UGT1A7: variants seen among roughly 807,000 people sequenced by gnomAD.
UGT1A7 encodes the protein UDP-glucuronosyltransferase 1A7.
A neutral mutation model predicts 45.6 loss-of-function variants in UGT1A7; 33 were observed. The observed-to-expected ratio is 0.72, with a 90% CI of 0.55 to 0.97. UGT1A7 has a LOEUF of 0.97. Ranked by LOEUF, UGT1A7 falls within the 50% of genes least tolerant of loss-of-function variation. The pLI, the probability that UGT1A7 is intolerant of heterozygous loss-of-function variation, is 0.00. For synonymous variants in UGT1A7, 274 were observed against 250.6 expected, an observed-to-expected ratio of 1.09 and a Z score of -0.88; for missense variants, 684 against 666.2, an observed-to-expected ratio of 1.03 and a Z score of -0.29.
chr2:233,728,202 T>G (rs2077690162), intron 1 of UGT1A7, among the ~76,000 whole-genome samples: 1 of 152,206 alleles, frequency 6.6e-6, no homozygotes, highest in Non-Finnish European at 1.5e-5. Context: ...CTGGATTGAC[T>G]TGGAGAAGAG....
At chr2:233,682,969 C>T (rs943509920) in intron 1 of UGT1A7, among the ~76,000 whole-genome samples, 177 bp downstream of exon 1, 1 of 152,054 alleles carries the variant, frequency 6.6e-6, no homozygotes, top group Admixed American at 6.6e-5. Context: ...TAAAGCAGCT[C>T]TTGTTGATAT....
intron 1 of UGT1A7, among the ~76,000 whole-genome samples, chr2:233,735,726 A>G (rs1434369558): frequency 5.9e-5 from 9 of 152,086 alleles, no homozygotes; most frequent in Admixed American, 5.9e-4. Flanking sequence ...ATCTCTCAGC[A>G]TTTGCTTGTC....
intron 1 of UGT1A7, among the ~76,000 whole-genome samples, chr2:233,746,122 CTG>C: frequency 6.6e-6 from 1 of 151,872 alleles, no homozygotes; most frequent in Non-Finnish European, 1.5e-5. Flanking sequence ...GTCTGCAAAA[CTG>C]TGGACTGGCA....
rs766536479 is a variant in UGT1A7 at position 233,760,908 on chromosome 2, G to GCAGC, written c.856-6125_856-6122dup. ...CTCATTCAGATCACATGACCTTCCT[G>GCAGC]CAGCGGGTGAAGAACATGCTCATTG... is the stretch of plus-strand genomic sequence containing the variant. On this transcript the variant is annotated intron_variant, in intron 1 of 4. Coordinates refer to ENST00000373426, the MANE Select transcript of UGT1A7 (RefSeq NM_019077.3). 8 of 1,614,152 alleles carry GCAGC rather than the reference G, an allele frequency of 5.0e-6. No individual in the cohort carries two copies. The South Asian group carries it at 8.8e-5, about 18-fold the overall frequency.
intron 1 of UGT1A7, among the ~76,000 whole-genome samples, chr2:233,765,317 T>G (rs984736516): frequency 1.3e-5 from 2 of 152,240 alleles, no homozygotes; most frequent in Non-Finnish European, 2.9e-5. Flanking sequence ...ATTTGTTTAT[T>G]GCAGCACTAT....
chr2:233,730,694 C>T (rs1315714978), intron 1 of UGT1A7, among the ~76,000 whole-genome samples: 1 of 152,058 alleles, frequency 6.6e-6, no homozygotes, highest in Non-Finnish European at 1.5e-5. Context: ...TCAAATGATT[C>T]TTCTACTTGG....
At chr2:233,760,473 T>C (rs2125984600) in intron 1 of UGT1A7, 2 of 1,614,230 alleles carry the variant, frequency 1.2e-6, no homozygotes, top group Non-Finnish European at 1.7e-6. Flanking sequence ...TCCTAGCACC[T>C]GACGCCTCGT....
chr2:233,740,284 G>T (rs932768125), intron 1 of UGT1A7, among the ~76,000 whole-genome samples: 1 of 151,852 alleles, frequency 6.6e-6, no homozygotes, highest in Non-Finnish European at 1.5e-5. Flanking sequence ...ATACTGAAAG[G>T]GTTTAAAGGA....
rs377204506 is a variant in UGT1A7 at position 233,718,901 on chromosome 2, G to C, written c.855+36109G>C. ...TCCTCAGTGTCCAGCCCTGGGCTGAGAGTGGAAAGGTGTTGGTGGTGCCCA... is the reference window on the plus strand; with the variant it reads ...TCCTCAGTGTCCAGCCCTGGGCTGACAGTGGAAAGGTGTTGGTGGTGCCCA... On this transcript the variant is annotated intron_variant, in intron 1 of 4. Transcript: ENST00000373426. 43 of 1,613,936 alleles carry C rather than the reference G, an allele frequency of 2.7e-5. No individual in the cohort carries two copies. Among genetic ancestry groups the C allele is most frequent in the Non-Finnish European group, 3.6e-5 (43 of 1,179,928 alleles).
chr2:233,692,931 G>A lies in UGT1A7; in HGVS notation c.855+10139G>A. 7 of 1,584,824 alleles carry A rather than the reference G, an allele frequency of 4.4e-6. No individual in the cohort carries two copies. In the South Asian group the frequency reaches 7.2e-5, roughly 16 times the overall value. ...TGTGAAAAGCAGTGGTTAGTTTAGG[G>A]AAAATACCTAGGAGCCCTGTGATTT... On this transcript the variant is annotated intron_variant, in intron 1 of 4. Coordinates refer to ENST00000373426, the MANE Select transcript of UGT1A7 (RefSeq NM_019077.3).
At position 233,718,759 on chromosome 2, in the gene UGT1A7, G is replaced by A; in HGVS notation, c.855+35967G>A. 4 of 1,612,576 alleles carry A rather than the reference G, an allele frequency of 2.5e-6. 1 individual carries two copies. In the Admixed American group the frequency reaches 5.0e-5, roughly 20 times the overall value. On this transcript the variant is annotated intron_variant, in intron 1 of 4. Transcript: ENST00000373426. ...TCAATGACAAGGTAATTAAGGCGAAGGAAACAAATGTAGCAGGCACAGCGT... is the reference window on the plus strand; with the variant it reads ...TCAATGACAAGGTAATTAAGGCGAAAGAAACAAATGTAGCAGGCACAGCGT...
At chr2:233,751,514 C>T (rs1694746384) in intron 1 of UGT1A7, among the ~76,000 whole-genome samples, 1 of 152,154 alleles carries the variant, frequency 6.6e-6, no homozygotes, top group Non-Finnish European at 1.5e-5. Context: ...GGCCAGAGGG[C>T]AGAATGATAT....
intron 1 of UGT1A7, among the ~76,000 whole-genome samples, chr2:233,701,754 TA>T (rs1256894666): frequency 6.6e-6 from 1 of 152,102 alleles, no homozygotes; most frequent in Admixed American, 6.5e-5. Context: ...ACTGGGTACA[TA>T]ACGAAATGAA....
At chr2:233,761,518 T>C (rs780967719) in intron 1 of UGT1A7, among the ~76,000 whole-genome samples, 1 of 152,242 alleles carries the variant, frequency 6.6e-6, no homozygotes, top group African/African-American at 2.4e-5. Context: ...GCAGGCAATG[T>C]TCAGGACTGA....
chr2:233,727,384 C>A (rs1032238584), intron 1 of UGT1A7, among the ~76,000 whole-genome samples: 2 of 152,144 alleles, frequency 1.3e-5, no homozygotes, highest in African/African-American at 4.8e-5. Context: ...TGGAGTACCA[C>A]CGTCTTCCAA....
At chr2:233,723,204 CA>C (rs978945300) in intron 1 of UGT1A7, among the ~76,000 whole-genome samples, 1 of 125,334 alleles carries the variant, frequency 8.0e-6, no homozygotes, top group African/African-American at 3.4e-5. Context: ...TAAAAAAAGT[CA>C]AAACTGACTT....
intron 1 of UGT1A7, chr2:233,713,522 A>G (rs1180807745): frequency 1.2e-6 from 2 of 1,613,850 alleles, no homozygotes; most frequent in Non-Finnish European, 1.7e-6. Flanking sequence ...GGAACATTCC[A>G]TGTGATTTAG....
intron 1 of UGT1A7, chr2:233,692,795 C>A: frequency 7.3e-7 from 1 of 1,377,212 alleles, no homozygotes; most frequent in Non-Finnish European, 9.4e-7. Flanking sequence ...TGAAAGCTGA[C>A]ACGGCCATAG....
chr2:233,762,605 G>T (rs1247129136), intron 1 of UGT1A7, among the ~76,000 whole-genome samples: 1 of 152,120 alleles, frequency 6.6e-6, no homozygotes, highest in Non-Finnish European at 1.5e-5. Flanking sequence ...TATTCCAGGA[G>T]TTTTGTTGTT....
Sources: gnomAD v4.1 joint callset for allele counts (sites outside exome capture counted in the v4.1 genomes callset) on GRCh38, gnomAD v4.1.1 for gene constraint, MANE v1.5 for transcripts, NCBI Gene and HGNC (gene_info 2026-07-23, HGNC 2026-07-21) for gene names.